The following PTPRT variants were observed in gnomAD, a reference collection of about 807,000 sequenced individuals.
PTPRT encodes the protein receptor-type tyrosine-protein phosphatase T.
PTPRT carries 56 observed loss-of-function variants against 176.8 expected under a neutral mutation model. That is an observed-to-expected ratio of 0.32 (90% CI 0.26 to 0.40). The LOEUF (loss-of-function observed/expected upper bound fraction) is 0.40, where lower values mean the gene tolerates loss of function less well. Ranked by LOEUF, PTPRT falls within the 10% of genes least tolerant of loss-of-function variation. PTPRT has a pLI of 1.00. For synonymous variants in PTPRT, 783 were observed against 739.0 expected (o/e 1.06, Z -0.96); for missense variants, 1,540 against 1,908.2 (o/e 0.81, Z 3.60).
chr20:42,825,556 CAT>C (rs1026919757), intron 2 of PTPRT, among the ~76,000 whole-genome samples: 11 of 151,978 alleles, frequency 7.2e-5, no homozygotes, highest in Non-Finnish European at 7.4e-5. Context: ...TATGCATACA[CAT>C]GTGTGTATAT....
At chr20:42,580,913 T>C (rs993727482) in intron 7 of PTPRT, among the ~76,000 whole-genome samples, 5 of 152,144 alleles carry the variant, frequency 3.3e-5, no homozygotes, top group East Asian at 1.9e-4. Flanking sequence ...TCCTGCCTGA[T>C]TGCCCTGGCC....
chr20:42,274,995 C>A (rs576789855), intron 13 of PTPRT, among the ~76,000 whole-genome samples: 1 of 152,312 alleles, frequency 6.6e-6, no homozygotes, highest in East Asian at 1.9e-4. Flanking sequence ...ACAATGGAAT[C>A]AGATCTGATT....
chr20:42,119,983 G>A lies in PTPRT; in HGVS notation c.2848-12C>T, dbSNP rs1987501694. The A allele has an allele frequency of 6.2e-7, 1 of 1,606,574 alleles. No homozygotes were observed. Among genetic ancestry groups the A allele is most frequent in the Non-Finnish European group, 8.5e-7 (1 of 1,176,246 alleles). On this transcript the variant is annotated splice_polypyrimidine_tract_variant and intron_variant, in intron 19 of 30. Coordinates refer to ENST00000373187, the MANE Select transcript of PTPRT (RefSeq NM_007050.6). Reference sequence around the variant, plus strand: ...GGTCGATGGTATCCCTGGATAACAGGAGAAAAGCACTGTGAAGAGTCTGTT... The same window carrying A: ...GGTCGATGGTATCCCTGGATAACAGAAGAAAAGCACTGTGAAGAGTCTGTT...
At chr20:42,372,220 A>C (rs1402240177) in intron 9 of PTPRT, among the ~76,000 whole-genome samples, 1 of 152,078 alleles carries the variant, frequency 6.6e-6, no homozygotes, top group Non-Finnish European at 1.5e-5. Flanking sequence ...AGTTGGTCAG[A>C]AAATAGGGGT....
At chr20:42,389,888 T>C (rs1252271460) in intron 9 of PTPRT, among the ~76,000 whole-genome samples, 2 of 150,700 alleles carry the variant, frequency 1.3e-5, no homozygotes, top group Non-Finnish European at 3.0e-5. Context: ...GCCTTGAGGC[T>C]GCCAGTTTAA....
At chr20:42,744,583 A>G (rs1375672140) in intron 6 of PTPRT, among the ~76,000 whole-genome samples, 1 of 152,110 alleles carries the variant, frequency 6.6e-6, no homozygotes, top group African/African-American at 2.4e-5. Flanking sequence ...TGTATTAATT[A>G]GGAAAATACT....
chr20:42,053,323 G>C, the PTPRT span, among the ~76,000 whole-genome samples: 1 of 152,120 alleles, frequency 6.6e-6, no homozygotes, highest in African/African-American at 2.4e-5. Context: ...TTTACTGATG[G>C]GACAATGACA....
chr20:42,255,834 T>C (rs940683978), intron 13 of PTPRT, among the ~76,000 whole-genome samples: 2 of 152,336 alleles, frequency 1.3e-5, no homozygotes, highest in Non-Finnish European at 2.9e-5. Flanking sequence ...CTGGTGATCA[T>C]TGCTGACGAT....
chr20:42,660,851 T>A (rs940633415), intron 7 of PTPRT, among the ~76,000 whole-genome samples: 4 of 152,064 alleles, frequency 2.6e-5, no homozygotes, highest in Non-Finnish European at 5.9e-5. Context: ...TGTTTGTTTG[T>A]TTGTTTTTAT....
chr20:43,184,049 G>A (rs2015330060), intron 1 of PTPRT, among the ~76,000 whole-genome samples: 1 of 152,206 alleles, frequency 6.6e-6, no homozygotes, highest in Admixed American at 6.5e-5. Context: ...TATGGGGAGT[G>A]TCTGTTTAAC....
chr20:42,313,131 G>A (rs1006197862), intron 12 of PTPRT, among the ~76,000 whole-genome samples: 3 of 152,064 alleles, frequency 2.0e-5, no homozygotes, highest in Non-Finnish European at 4.4e-5. Flanking sequence ...AGACCTCACT[G>A]CTACACTCCC....
chr20:42,924,001 T>C (rs930677097), intron 1 of PTPRT, among the ~76,000 whole-genome samples: 2 of 152,162 alleles, frequency 1.3e-5, no homozygotes, highest in Non-Finnish European at 2.9e-5. Context: ...TGTGCCACCA[T>C]GCCTGGCTAA....
At chr20:43,041,374 G>A (rs755564472) in intron 1 of PTPRT, among the ~76,000 whole-genome samples, 5 of 152,176 alleles carry the variant, frequency 3.3e-5, no homozygotes, top group Non-Finnish European at 7.3e-5. Context: ...CTTTAGCATT[G>A]GCTTTTTAAA....
chr20:42,316,118 C>T lies in PTPRT; in HGVS notation c.1866-122G>A, dbSNP rs866979972. On this transcript the variant is annotated intron_variant, in intron 11 of 30. Transcript: ENST00000373187. ...AGCATTGGTTCGGTCTACAACAAAA[C>T]TCCAGTCCTGAGCATCAGATTTTCA... is the stretch of plus-strand genomic sequence containing the variant. The T allele has an allele frequency of 7.8e-5, 87 of 1,114,782 alleles. No homozygotes were observed. In the Middle Eastern group the frequency reaches 2.6e-3, roughly 34 times the overall value. 69.1% of individuals were successfully genotyped at this position (1,114,782 alleles called of 1,614,324 possible).
chr20:42,135,934 C>T (rs773938571), intron 18 of PTPRT, among the ~76,000 whole-genome samples: 3 of 152,194 alleles, frequency 2.0e-5, no homozygotes, highest in Non-Finnish European at 4.4e-5. Flanking sequence ...TCTCCAGCTT[C>T]CACTTTCCTC....
intron 7 of PTPRT, among the ~76,000 whole-genome samples, chr20:42,503,027 T>G (rs143745870): frequency 4.4e-4 from 67 of 152,240 alleles, no homozygotes; most frequent in African/African-American, 1.4e-3. Flanking sequence ...TAATATTAGC[T>G]GTATGTTAAG....
intron 2 of PTPRT, among the ~76,000 whole-genome samples, chr20:42,842,184 C>T (rs2145729358): frequency 6.6e-6 from 1 of 152,286 alleles, no homozygotes; most frequent in South Asian, 2.1e-4. Flanking sequence ...CAGCCAGACT[C>T]AGGTTCACAG....
intron 12 of PTPRT, 90 bp downstream of exon 12, chr20:42,315,633 A>T (rs751393067): frequency 1.1e-5 from 16 of 1,458,894 alleles, no homozygotes; most frequent in Non-Finnish European, 1.3e-5. Context: ...TTAGTTTTTC[A>T]TCCTCTGCTC....
intron 1 of PTPRT, among the ~76,000 whole-genome samples, chr20:43,024,957 C>T (rs1052064422): frequency 1.3e-5 from 2 of 152,218 alleles, no homozygotes; most frequent in Non-Finnish European, 2.9e-5. Flanking sequence ...CCATGCTGTT[C>T]CCTGGCTCTT....
Sources: gnomAD v4.1 joint callset for allele counts (sites outside exome capture counted in the v4.1 genomes callset) on GRCh38, gnomAD v4.1.1 for gene constraint, MANE v1.5 for transcripts, NCBI Gene and HGNC (gene_info 2026-07-23, HGNC 2026-07-21) for gene names.